Variants in KIF21A observed in about 807,000 individuals in gnomAD.
The protein encoded by KIF21A is kinesin-like protein KIF21A.
A neutral mutation model predicts 202.9 loss-of-function variants in KIF21A; 114 were observed. That is an observed-to-expected ratio of 0.56 (90% CI 0.48 to 0.66). KIF21A has a LOEUF of 0.66. Ranked by LOEUF, KIF21A falls within the 30% of genes least tolerant of loss-of-function variation. The pLI is 0.00. For missense variants in KIF21A, 1,677 were observed against 1,994.9 expected, an observed-to-expected ratio of 0.84 and a Z score of 3.04; for synonymous variants, 667 against 670.8, an observed-to-expected ratio of 0.99 and a Z score of 0.09.
Position 39,342,133 on chromosome 12 carries a change from A to C in KIF21A, c.1713-9T>G. On this transcript the variant is annotated splice_polypyrimidine_tract_variant and intron_variant, in intron 12 of 37. Coordinates refer to ENST00000361418, the MANE Select transcript of KIF21A (RefSeq NM_001173464.2). ...CCTCTTTACCAGCCACACTAAAAAA[A>C]GGAACATAAGGGTATGGTGTTAAAA... is the stretch of plus-strand genomic sequence containing the variant. The C allele has an allele frequency of 1.9e-6, 3 of 1,559,116 alleles. No homozygotes were observed. Among genetic ancestry groups the C allele is most frequent in the Non-Finnish European group, 2.7e-6 (3 of 1,130,318 alleles).
intron 12 of KIF21A, among the ~76,000 whole-genome samples, chr12:39,344,315 T>G (rs947174822): frequency 3.9e-5 from 6 of 152,176 alleles, no homozygotes; most frequent in African/African-American, 1.4e-4. Flanking sequence ...CAGCATGTAC[T>G]CAAACAGTGC....
intron 36 of KIF21A, among the ~76,000 whole-genome samples, chr12:39,302,708 T>A (rs916718982): frequency 3.9e-5 from 6 of 152,328 alleles, no homozygotes; most frequent in African/African-American, 1.4e-4. Flanking sequence ...AATAAACACA[T>A]GCATGGAGCA....
intron 23 of KIF21A, 121 bp from the exon 24 acceptor site, chr12:39,330,383 G>C (rs1411478466): frequency 5.8e-6 from 5 of 858,196 alleles, no homozygotes; most frequent in Non-Finnish European, 9.8e-6. Flanking sequence ...AGATGCCATA[G>C]CAAACACTTA....
intron 1 of KIF21A, among the ~76,000 whole-genome samples, chr12:39,435,717 A>C (rs970150602): frequency 6.6e-6 from 1 of 150,816 alleles, no homozygotes; most frequent in African/African-American, 2.4e-5. Flanking sequence ...TTATTACTGC[A>C]ATGTGCCATA....
Position 39,332,375 on chromosome 12 carries a change from G to C in KIF21A, c.2890C>G (p.Leu964Val), listed in dbSNP as rs770085648. 2 of 1,613,754 alleles carry C rather than the reference G, an allele frequency of 1.2e-6. No homozygotes were observed. Among genetic ancestry groups the C allele is most frequent in the Admixed American group, 1.7e-5 (1 of 59,966 alleles). Reference protein sequence around the residue: ...REELTKRREKLSKRREKIVKE... With the variant: ...REELTKRREKVSKRREKIVKE... ...ACTATCTTCTCCCTTCTTTTTGAAA[G>C]TTTCTCTCGTCTTTTTGTGAGTTCC... The change falls in exon 21 of 38, where the codon CTT becomes GTT. Residue 964 changes from leucine to valine, a missense_variant. Leu to Val is a conservative substitution (Grantham distance 32). Around this residue, in one of 3 missense-constraint regions of KIF21A, gnomAD observed 966 missense variants for 1,180.9 expected, o/e 0.82. Transcript: ENST00000361418.
chr12:39,340,863 A>G, intron 15 of KIF21A, 43 bp downstream of exon 15: 9 of 1,371,454 alleles, frequency 6.6e-6, no homozygotes, highest in Non-Finnish European at 9.3e-6. Context: ...CCCATTTTGA[A>G]GATTTAGCTT....
Position 39,366,511 on chromosome 12 carries a change from C to T in KIF21A, c.742G>A (p.Ala248Thr). The T allele has an allele frequency of 6.2e-7, 1 of 1,600,246 alleles. No homozygotes were observed. The highest frequency in any genetic ancestry group is 8.6e-7 in the Non-Finnish European group (1 of 1,167,976). Residue 248 changes from alanine to threonine, a missense_variant, in exon 6 of 38, where the codon GCA (alanine) becomes ACA (threonine). Coordinates refer to ENST00000361418, the MANE Select transcript of KIF21A (RefSeq NM_001173464.2). Reference sequence around the variant, plus strand: ...TCAGAAATAATTTTATTATCAGTTGCATTGTCCTGAAATTAAGAAAAATAA... The same window carrying T: ...TCAGAAATAATTTTATTATCAGTTGTATTGTCCTGAAATTAAGAAAAATAA... ...RVCPQIDADN[A>T]TDNKIISESA... is the part of the protein sequence containing the mutation.
At chr12:39,423,159 C>T (rs1315496254) in intron 1 of KIF21A, among the ~76,000 whole-genome samples, 1 of 152,180 alleles carries the variant, frequency 6.6e-6, no homozygotes, top group Non-Finnish European at 1.5e-5. Flanking sequence ...TACCCTCAAC[C>T]TAAAACTTAA....
intron 1 of KIF21A, among the ~76,000 whole-genome samples, chr12:39,411,373 T>G (rs541557272): frequency 6.6e-6 from 1 of 152,320 alleles, no homozygotes; most frequent in South Asian, 2.1e-4. Flanking sequence ...AAAATCTGCA[T>G]TTTAACAAGA....
chr12:39,379,662 G>C (rs1950488376), intron 1 of KIF21A, among the ~76,000 whole-genome samples: 1 of 152,140 alleles, frequency 6.6e-6, no homozygotes, highest in South Asian at 2.1e-4. Context: ...AAGGGGAGGA[G>C]AGGAATGAGG....
At chr12:39,362,819 T>C (rs931061147) in intron 7 of KIF21A, among the ~76,000 whole-genome samples, 1 of 152,210 alleles carries the variant, frequency 6.6e-6, no homozygotes, top group Admixed American at 6.5e-5. Flanking sequence ...TGACTTCATA[T>C]ACAAGCTAAG....
At chr12:39,422,220 C>G (rs1157225061) in intron 1 of KIF21A, among the ~76,000 whole-genome samples, 1 of 152,016 alleles carries the variant, frequency 6.6e-6, no homozygotes, top group Non-Finnish European at 1.5e-5. Flanking sequence ...TGTGGCCTCT[C>G]AAAGTGCTAC....
intron 16 of KIF21A, 61 bp from the exon 17 acceptor site, chr12:39,337,264 C>T: frequency 9.6e-7 from 1 of 1,037,928 alleles, no homozygotes; most frequent in Non-Finnish European, 1.5e-6. Context: ...ATTAAATCAA[C>T]CACATATATG....
chr12:39,422,094 G>T (rs1159613136), intron 1 of KIF21A, among the ~76,000 whole-genome samples: 2 of 150,736 alleles, frequency 1.3e-5, no homozygotes, highest in Non-Finnish European at 2.9e-5. Context: ...AAGTAGCTGG[G>T]ATTACAGGTA....
chr12:39,433,042 A>G (rs575469971), intron 1 of KIF21A, among the ~76,000 whole-genome samples: 1 of 152,384 alleles, frequency 6.6e-6, no homozygotes, highest in East Asian at 1.9e-4. Context: ...AAAGAAATAT[A>G]GCAAAATGCT....
intron 1 of KIF21A, among the ~76,000 whole-genome samples, chr12:39,409,173 T>C (rs1464600307): frequency 6.6e-6 from 1 of 151,610 alleles, no homozygotes; most frequent in African/African-American, 2.4e-5. Context: ...CCAATAATTT[T>C]CCAAAACTAA....
chr12:39,303,104 G>C lies in KIF21A; in HGVS notation c.4592C>G (p.Thr1531Ser). Residue 1531 changes from threonine to serine, a missense_variant, in exon 36 of 38, where the codon ACT (threonine) becomes AGT (serine). This residue lies in a region of KIF21A where 705 missense variants were observed against 791.9 expected (regional missense o/e 0.89). Coordinates refer to ENST00000361418, the MANE Select transcript of KIF21A (RefSeq NM_001173464.2). ...TTCAAAATTGTGGGTGGGACTCACA[G>C]TCCCAAGAGCTCCTTCTGTAACATC... ...MFDVTEGALG[T>S]VSPTHNFEPP... 1.9e-6 allele frequency: 3 copies of C among 1,614,016 alleles called. No individual in the cohort carries two copies. Among genetic ancestry groups the C allele is most frequent in the Non-Finnish European group, 1.7e-6 (2 of 1,179,954 alleles).
At chr12:39,347,287 T>A (rs1489662786) in intron 11 of KIF21A, among the ~76,000 whole-genome samples, 2 of 151,762 alleles carry the variant, frequency 1.3e-5, no homozygotes, top group Non-Finnish European at 2.9e-5. Flanking sequence ...TTAGTAAGAT[T>A]GTTTTTTAAG....
chr12:39,347,782 A>G (rs1272384630), intron 11 of KIF21A, among the ~76,000 whole-genome samples: 3 of 152,050 alleles, frequency 2.0e-5, no homozygotes, highest in Non-Finnish European at 2.9e-5. Flanking sequence ...TAGAGTTTCA[A>G]CCCAACACCA....
Sources: gnomAD v4.1 joint callset for allele counts (sites outside exome capture counted in the v4.1 genomes callset) on GRCh38, gnomAD v4.1.1 for gene constraint, gnomAD v4.1.1 regional missense constraint, MANE v1.5 for transcripts, NCBI Gene and HGNC (gene_info 2026-07-23, HGNC 2026-07-21) for gene names.